The following GRIN3A variants were observed in gnomAD, a reference collection of about 807,000 sequenced individuals.
GRIN3A encodes glutamate ionotropic receptor NMDA type subunit 3A.
GRIN3A carries 47 observed loss-of-function variants against 92.4 expected under a neutral mutation model. That is an observed-to-expected ratio of 0.51 (90% CI 0.40 to 0.65). The LOEUF is 0.65. Ranked by LOEUF, GRIN3A falls within the 30% of genes least tolerant of loss-of-function variation. The pLI, the probability that GRIN3A is intolerant of heterozygous loss-of-function variation, is 0.00. For missense variants in GRIN3A, 1,324 were observed against 1,393.1 expected, an observed-to-expected ratio of 0.95 and a Z score of 0.79; for synonymous variants, 527 against 540.6, an observed-to-expected ratio of 0.97 and a Z score of 0.35.
chr9:101,698,955 A>C (rs1002247287), intron 1 of GRIN3A, among the ~76,000 whole-genome samples: 1 of 152,178 alleles, frequency 6.6e-6, no homozygotes, highest in Non-Finnish European at 1.5e-5. Context: ...GGTGTGAGCC[A>C]CTGCGCCTGG....
intron 2 of GRIN3A, among the ~76,000 whole-genome samples, chr9:101,673,583 G>A (rs1829356249): frequency 6.6e-6 from 1 of 152,092 alleles, no homozygotes; most frequent in African/African-American, 2.4e-5. Flanking sequence ...TGTACTAATG[G>A]AATGACAATG....
chr9:101,585,262 C>T (rs530665760), intron 6 of GRIN3A, among the ~76,000 whole-genome samples: 1 of 152,286 alleles, frequency 6.6e-6, no homozygotes, highest in Admixed American at 6.5e-5. Flanking sequence ...TGTGATACTT[C>T]TTTCTCTTTG....
At chr9:101,674,314 G>A (rs1829364784) in intron 2 of GRIN3A, among the ~76,000 whole-genome samples, 1 of 152,010 alleles carries the variant, frequency 6.6e-6, no homozygotes, top group Middle Eastern at 3.2e-3. Context: ...GGAGGGGACT[G>A]AACATAAGTC....
At chr9:101,709,952 G>A (rs1458275334) in intron 1 of GRIN3A, among the ~76,000 whole-genome samples, 1 of 152,138 alleles carries the variant, frequency 6.6e-6, no homozygotes, top group Non-Finnish European at 1.5e-5. Flanking sequence ...TTCAAAAAGT[G>A]TTGCTTGGAT....
chr9:101,598,437 GTATTA>G (rs908828462), intron 6 of GRIN3A, among the ~76,000 whole-genome samples: 6 of 152,072 alleles, frequency 3.9e-5, no homozygotes, highest in African/African-American at 9.7e-5. Flanking sequence ...TATTAATTAG[GTATTA>G]TATTATAAGG....
At chr9:101,618,775 T>C (rs547771115) in intron 5 of GRIN3A, among the ~76,000 whole-genome samples, 1 of 152,322 alleles carries the variant, frequency 6.6e-6, no homozygotes, top group East Asian at 1.9e-4. Flanking sequence ...TTTATTTCTG[T>C]CCCCATTTAT....
At chr9:101,573,540 A>G (rs1365493467) in intron 8 of GRIN3A, 27 bp from the exon 9 acceptor site, 7 of 1,566,434 alleles carry the variant, frequency 4.5e-6, no homozygotes, top group Non-Finnish European at 6.2e-6. Context: ...TTTTAGATTT[A>G]CTTTCCATTC....
At chr9:101,673,615 A>G (rs148123386) in intron 2 of GRIN3A, among the ~76,000 whole-genome samples, 1 of 152,156 alleles carries the variant, frequency 6.6e-6, no homozygotes, top group Non-Finnish European at 1.5e-5. Context: ...ATAAATGCTC[A>G]CTAAATTAGT....
At chr9:101,691,297 G>A (rs1829615294) in intron 1 of GRIN3A, among the ~76,000 whole-genome samples, 1 of 152,106 alleles carries the variant, frequency 6.6e-6, no homozygotes, top group Admixed American at 6.6e-5. Context: ...TAGACAATAT[G>A]TAACTAACTA....
rs187577611 is a variant in GRIN3A, at chr9:101,583,944, C to T, written c.2767-4584G>A. 5.4e-4 allele frequency among the ~76,000 whole-genome samples: 82 copies of T among 152,306 alleles called. 1 individual carries two copies. The highest frequency in any genetic ancestry group is 5.2e-4 in the Admixed American group (8 of 15,304). On this transcript the variant is annotated intron_variant, in intron 6 of 8. Coordinates refer to ENST00000361820, the MANE Select transcript of GRIN3A (RefSeq NM_133445.3). ...CAGTCTTGACTCACTGCAACCTCTG[C>T]CTCCCGGGTTCAAGCAATTCTCATG...
At chr9:101,575,865 T>G (rs1827819050) in intron 8 of GRIN3A, among the ~76,000 whole-genome samples, 1 of 152,192 alleles carries the variant, frequency 6.6e-6, no homozygotes, top group Non-Finnish European at 1.5e-5. Context: ...TCTTCAACTG[T>G]CTAGACAGCC....
At chr9:101,677,997 G>A (rs575029068) in intron 2 of GRIN3A, among the ~76,000 whole-genome samples, 9 of 152,218 alleles carry the variant, frequency 5.9e-5, no homozygotes, top group African/African-American at 1.9e-4. Context: ...ATCTTCCACA[G>A]AATTGCTGTT....
intron 3 of GRIN3A, among the ~76,000 whole-genome samples, chr9:101,651,369 A>G (rs1195553033): frequency 6.6e-6 from 1 of 152,006 alleles, no homozygotes. Context: ...AAAGGAAGGA[A>G]CGGAAAAATG....
intron 2 of GRIN3A, among the ~76,000 whole-genome samples, chr9:101,685,336 G>A (rs367907874): frequency 7.1e-6 from 1 of 140,852 alleles, no homozygotes; most frequent in African/African-American, 2.6e-5. Context: ...TTGAGACGGA[G>A]TCTCGCTGTG....
At chr9:101,681,695 CT>C (rs1008362638) in intron 2 of GRIN3A, among the ~76,000 whole-genome samples, 247 of 17,872 alleles carry the variant, frequency 0.014, 84 homozygotes, top group Admixed American at 0.018. Flanking sequence ...TATCCCTATT[CT>C]TTTTTTTTTT....
chr9:101,670,220 G>C lies in GRIN3A; in HGVS notation c.2192C>G (p.Thr731Arg). 6.2e-7 allele frequency: 1 copy of C among 1,614,052 alleles called. No individual in the cohort carries two copies. The highest frequency in any genetic ancestry group is 1.1e-5 in the South Asian group (1 of 91,086). The change falls in exon 3 of 9, where the codon ACA (threonine) becomes AGA (arginine). Residue 731 changes from threonine to arginine, a missense_variant. By Grantham distance (71) the Thr-to-Arg change is moderately conservative. Transcript: ENST00000361820. ...ACATTTTGGAGGTTTGATGGCCACTGTTCTGCCAAACAAGAGGGCATAACA... is the reference window on the plus strand; with the variant it reads ...ACATTTTGGAGGTTTGATGGCCACTCTTCTGCCAAACAAGAGGGCATAACA... ...NICYALLFGR[T>R]VAIKPPKCWT...
At chr9:101,689,056 T>A (rs2485534) in intron 1 of GRIN3A, among the ~76,000 whole-genome samples, 64,803 of 151,894 alleles carry the variant, frequency 0.43, 14,032 homozygotes, top group South Asian at 0.47. Context: ...TCATTTTGAT[T>A]TGTATAAATT....
At chr9:101,606,906 A>T (rs1409529419) in intron 6 of GRIN3A, among the ~76,000 whole-genome samples, 104 of 86,158 alleles carry the variant, frequency 1.2e-3, no homozygotes, top group Admixed American at 1.7e-3. Context: ...AAAAAATTAC[A>T]TTTTTTTTTT....
chr9:101,671,271 T>A (rs2118953915), intron 2 of GRIN3A, among the ~76,000 whole-genome samples, 164 bp from the exon 3 acceptor site: 1 of 152,346 alleles, frequency 6.6e-6, no homozygotes, highest in Non-Finnish European at 1.5e-5. Context: ...GGACTCATTC[T>A]CTATTATAGG....
Sources: gnomAD v4.1 joint callset for allele counts (sites outside exome capture counted in the v4.1 genomes callset) on GRCh38, gnomAD v4.1.1 for gene constraint, MANE v1.5 for transcripts, NCBI Gene and HGNC (gene_info 2026-07-23, HGNC 2026-07-21) for gene names.